Variants in SCN11A observed in about 807,000 individuals in gnomAD.
SCN11A encodes sodium channel protein type 11 subunit alpha.
Under a neutral mutation model 162.2 loss-of-function variants are expected in SCN11A, and 122 were observed. That is an observed-to-expected ratio of 0.75 (90% CI 0.65 to 0.87). SCN11A has a LOEUF of 0.87. SCN11A is among the 40% of genes least tolerant of loss of function. SCN11A has a pLI of 0.00. For missense variants in SCN11A, 2,015 were observed against 2,181.6 expected (o/e 0.92, Z 1.52); for synonymous variants, 758 against 751.5 (o/e 1.01, Z -0.14).
chr3:38,956,243 T>A (rs1262433369), intron 3 of SCN11A, among the ~76,000 whole-genome samples: 4 of 149,948 alleles, frequency 2.7e-5, no homozygotes, highest in African/African-American at 9.8e-5. Flanking sequence ...AGACTCCGTC[T>A]CAAAAAAAAA....
chr3:38,996,026 CTCTT>C (rs1322516910), intron 2 of SCN11A, among the ~76,000 whole-genome samples: 1 of 152,188 alleles, frequency 6.6e-6, no homozygotes, highest in Non-Finnish European at 1.5e-5. Flanking sequence ...CGCGCTCTCT[CTCTT>C]TCTGTCTACT....
chr3:38,916,596 C>G (rs556425471), intron 11 of SCN11A, among the ~76,000 whole-genome samples: 3 of 152,188 alleles, frequency 2.0e-5, no homozygotes, highest in African/African-American at 7.2e-5. Flanking sequence ...TGAGCTATCA[C>G]GTCCTTCATG....
At chr3:38,994,297 T>C (rs959727103) in intron 2 of SCN11A, among the ~76,000 whole-genome samples, 1 of 152,184 alleles carries the variant, frequency 6.6e-6, no homozygotes, top group Admixed American at 6.5e-5. Flanking sequence ...GATCCCTGTA[T>C]AGGAACCTGT....
chr3:38,850,521 C>T lies in SCN11A; in HGVS notation c.4287G>A (p.Trp1429Ter). The stretch of plus-strand genomic sequence containing the variant: ...GCACGACCACACAGTCAAATAAATT[C>T]CAGCCATTGGTGAAGTAGTATTGCC... ...ALRQYYFTNG[W>*]NLFDCVVVLL... Residue 1429 changes from tryptophan to a stop codon, truncating the protein, a stop_gained, in exon 29 of 30, where the codon TGG (tryptophan) becomes TGA (stop). Coordinates refer to ENST00000302328, the MANE Select transcript of SCN11A (RefSeq NM_001349253.2). LOFTEE classifies it low-confidence loss of function (END_TRUNC). 4 of 1,613,702 alleles carry T rather than the reference C, an allele frequency of 2.5e-6. No homozygotes were observed. Among genetic ancestry groups the T allele is most frequent in the Non-Finnish European group, 2.5e-6 (3 of 1,179,796 alleles).
intron 2 of SCN11A, among the ~76,000 whole-genome samples, chr3:39,025,463 C>T (rs1206307783): frequency 2.0e-5 from 3 of 152,312 alleles, no homozygotes; most frequent in African/African-American, 4.8e-5. Flanking sequence ...TGATTATATG[C>T]TAAACAAGCG....
intron 28 of SCN11A, among the ~76,000 whole-genome samples, chr3:38,851,303 T>C (rs992988851): frequency 2.2e-4 from 34 of 152,212 alleles, no homozygotes; most frequent in Admixed American, 2.2e-3. Flanking sequence ...AAATTCTTGT[T>C]CACTTGAAGA....
chr3:39,012,436 TTCTC>T lies in SCN11A; in HGVS notation c.-280+19940_-280+19943del, dbSNP rs752099395. On this transcript the variant is annotated intron_variant, in intron 2 of 29. Transcript: ENST00000302328. ...CCTTGCTCTTTCTTTCTTTCTTTCT[TTCTC>T]TCTCTCTTTCTCTCTTTCTTTCTTT... 9.4e-5 allele frequency among the ~76,000 whole-genome samples: 14 copies of T among 148,622 alleles called. No homozygotes were observed. The South Asian group carries it at 2.3e-3, about 24-fold the overall frequency.
intron 28 of SCN11A, among the ~76,000 whole-genome samples, chr3:38,855,355 T>A (rs1402883185): frequency 6.6e-6 from 1 of 152,160 alleles, no homozygotes; most frequent in Non-Finnish European, 1.5e-5. Flanking sequence ...TCCCCCACAG[T>A]GGTTATGGCA....
At chr3:39,022,201 T>C (rs780502293) in intron 2 of SCN11A, among the ~76,000 whole-genome samples, 4 of 152,226 alleles carry the variant, frequency 2.6e-5, no homozygotes, top group Non-Finnish European at 4.4e-5. Flanking sequence ...GACATTGCTA[T>C]GTTTTGTCCC....
At chr3:38,915,097 G>T (rs2065941240) in intron 11 of SCN11A, among the ~76,000 whole-genome samples, 1 of 151,934 alleles carries the variant, frequency 6.6e-6, no homozygotes, top group Admixed American at 6.6e-5. Context: ...GGATCCATCT[G>T]GTCTCAGGAT....
Position 38,951,211 on chromosome 3 carries a change from G to C in SCN11A, c.-7-842C>G, listed in dbSNP as rs371282164. ...GCGCTTGCGGGCCAGCTGGAGTTCC[G>C]GGTGGGCGTGGGCTTGGCGGGCGCC... On this transcript the variant is annotated intron_variant, in intron 4 of 29. Coordinates refer to ENST00000302328, the MANE Select transcript of SCN11A (RefSeq NM_001349253.2). Among the ~76,000 whole-genome samples the C allele has an allele frequency of 3.3e-5, 5 of 152,328 alleles. No homozygotes were observed. In the East Asian group the frequency reaches 7.7e-4, roughly 24 times the overall value.
At chr3:39,003,641 TCCA>T (rs1455264306) in intron 2 of SCN11A, among the ~76,000 whole-genome samples, 1 of 152,200 alleles carries the variant, frequency 6.6e-6, no homozygotes, top group Non-Finnish European at 1.5e-5. Context: ...AATTTACACT[TCCA>T]CCAACAGTGT....
chr3:38,902,715 C>T (rs936617301), intron 16 of SCN11A, among the ~76,000 whole-genome samples: 20 of 152,098 alleles, frequency 1.3e-4, no homozygotes, highest in African/African-American at 4.6e-4. Flanking sequence ...GATGGGGTTT[C>T]ACCGTGTTAG....
chr3:39,024,194 G>A (rs776955191), intron 2 of SCN11A, among the ~76,000 whole-genome samples: 5 of 152,194 alleles, frequency 3.3e-5, no homozygotes, highest in South Asian at 2.1e-4. Flanking sequence ...AGGGAAAATC[G>A]TTTGTTTTTA....
intron 2 of SCN11A, among the ~76,000 whole-genome samples, chr3:38,967,567 C>T (rs34901767): frequency 0.11 from 16,545 of 152,222 alleles, 982 homozygotes; most frequent in Middle Eastern, 0.15. Context: ...GCTGAGAGAG[C>T]TCCCATGGCT....
At chr3:38,887,746 T>C (rs566457753) in intron 19 of SCN11A, among the ~76,000 whole-genome samples, 19 of 152,206 alleles carry the variant, frequency 1.2e-4, no homozygotes, top group Non-Finnish European at 2.4e-4. Flanking sequence ...TTTTGAATTC[T>C]TTTCATAAGC....
rs771992912 is a variant in SCN11A at position 38,863,312 on chromosome 3, G to T, written c.3952-13C>A. The T allele has an allele frequency of 8.1e-6, 11 of 1,350,800 alleles. No homozygotes were observed. Among genetic ancestry groups the T allele is most frequent in the Non-Finnish European group, 1.1e-5 (10 of 949,744 alleles). 83.7% of individuals were successfully genotyped at this position (1,350,800 alleles called of 1,614,324 possible). On this transcript the variant is annotated splice_polypyrimidine_tract_variant and intron_variant, in intron 27 of 29. Coordinates refer to ENST00000302328, the MANE Select transcript of SCN11A (RefSeq NM_001349253.2). ...CTTGGCCACCTAAGTATATGGAGAAGATAAGAGCTAATTACCTTTAACAGT... is the reference window on the plus strand; with the variant it reads ...CTTGGCCACCTAAGTATATGGAGAATATAAGAGCTAATTACCTTTAACAGT...
At chr3:38,911,650 T>C (rs2065888949) in intron 11 of SCN11A, among the ~76,000 whole-genome samples, 2 of 152,198 alleles carry the variant, frequency 1.3e-5, no homozygotes, top group African/African-American at 4.8e-5. Flanking sequence ...GTTGGGACTT[T>C]TGAATTGACA....
chr3:39,041,145 G>A (rs1254094635), intron 1 of SCN11A, among the ~76,000 whole-genome samples: 1 of 151,922 alleles, frequency 6.6e-6, no homozygotes, highest in Non-Finnish European at 1.5e-5. Flanking sequence ...AAATAACCCA[G>A]TCAGACTAAA....
Sources: gnomAD v4.1 joint callset for allele counts (sites outside exome capture counted in the v4.1 genomes callset) on GRCh38, gnomAD v4.1.1 for gene constraint, MANE v1.5 for transcripts, NCBI Gene and HGNC (gene_info 2026-07-23, HGNC 2026-07-21) for gene names.